The following TENM2 variants were observed in gnomAD, a reference collection of about 807,000 sequenced individuals.
The protein encoded by TENM2 is teneurin-2.
TENM2 carries 52 observed loss-of-function variants against 245.2 expected under a neutral mutation model. The ratio of observed to expected loss-of-function variants is 0.21; its 90% confidence interval spans 0.17 to 0.27. The LOEUF is 0.27. Among genes scored for constraint, TENM2 ranks in the 10% least tolerant of loss-of-function variants. TENM2 has a pLI of 1.00. For synonymous variants in TENM2, 1,363 were observed against 1,438.9 expected (o/e 0.95, Z 1.19); for missense variants, 3,046 against 3,666.8 (o/e 0.83, Z 4.37).
At chr5:167,969,343 C>G (rs890739978) in intron 4 of TENM2, among the ~76,000 whole-genome samples, 1 of 152,154 alleles carries the variant, frequency 6.6e-6, no homozygotes, top group Non-Finnish European at 1.5e-5. Context: ...CCTACACAAG[C>G]ACTCTCTTTG....
the TENM2 span, among the ~76,000 whole-genome samples, chr5:167,091,629 A>G: frequency 6.6e-6 from 1 of 152,210 alleles, no homozygotes; most frequent in Non-Finnish European, 1.5e-5. Context: ...ATTTTTCTCT[A>G]ATAATCCTCT....
chr5:167,560,691 A>G (rs904640366), intron 2 of TENM2, among the ~76,000 whole-genome samples: 2 of 152,252 alleles, frequency 1.3e-5, no homozygotes, highest in African/African-American at 4.8e-5. Flanking sequence ...AGCAATTGGC[A>G]TGGTGCTAAT....
At chr5:168,098,608 C>A (rs931529293) in intron 9 of TENM2, among the ~76,000 whole-genome samples, 10 of 152,054 alleles carry the variant, frequency 6.6e-5, no homozygotes, top group African/African-American at 2.4e-4. Flanking sequence ...AGCTGGAGCC[C>A]TGAGATTCTT....
At chr5:168,243,069 C>T (rs1349318140) in intron 25 of TENM2, among the ~76,000 whole-genome samples, 2 of 152,206 alleles carry the variant, frequency 1.3e-5, no homozygotes, top group South Asian at 2.1e-4. Flanking sequence ...AGACATCTCT[C>T]GAGTCTCTTC....
exon 29 of TENM2, chr5:168,262,414 A>C (rs2152725373): frequency 6.3e-7 from 1 of 1,584,814 alleles, no homozygotes; most frequent in East Asian, 2.3e-5. Flanking sequence ...GCAAGGTGCT[A>C]GAGAGCGGGG....
chr5:167,132,603 C>T, the TENM2 span, among the ~76,000 whole-genome samples: 4 of 152,100 alleles, frequency 2.6e-5, no homozygotes, highest in South Asian at 6.2e-4. Flanking sequence ...AGAAGTCCTC[C>T]CCAATCCCCT....
chr5:167,033,232 C>A, the TENM2 span, among the ~76,000 whole-genome samples: 1 of 152,148 alleles, frequency 6.6e-6, no homozygotes, highest in African/African-American at 2.4e-5. Flanking sequence ...TAATTCACAT[C>A]CCTTTATTCG....
chr5:168,203,892 C>G lies in TENM2; in HGVS notation c.3574+60C>G, dbSNP rs1762136161. 4.7e-6 allele frequency: 7 copies of G among 1,498,444 alleles called. No individual in the cohort carries two copies. In the Admixed American group the frequency reaches 5.3e-5, roughly 11 times the overall value. The allele number at this position is 1,498,444 out of a possible 1,614,324, so 92.8% of individuals were successfully genotyped here. On this transcript the variant is annotated intron_variant, in intron 18 of 28. Transcript: ENST00000518659. Reference sequence around the variant, plus strand: ...TTGCCACTTCTCTGGAACCTTGTCTCTAGCCTCAGCATTTAAGTGATCACA... The same window carrying G: ...TTGCCACTTCTCTGGAACCTTGTCTGTAGCCTCAGCATTTAAGTGATCACA...
rs139320058 is a variant in TENM2, at chr5:168,011,923, T to C, written c.1186+18741T>C. 3.1e-3 allele frequency among the ~76,000 whole-genome samples: 470 copies of C among 152,354 alleles called. 1 individual carries two copies. The highest frequency in any genetic ancestry group is 0.011 in the African/African-American group (440 of 41,582). On this transcript the variant is annotated intron_variant, in intron 5 of 28. Coordinates refer to ENST00000518659, the Ensembl canonical transcript of TENM2. ...AAATGTCGCAGTGACTCAGTTTTCC[T>C]AATTATAATTAGAGAAAGAGGTTCA...
At chr5:167,942,306 A>G (rs1779249295) in intron 3 of TENM2, among the ~76,000 whole-genome samples, 1 of 152,204 alleles carries the variant, frequency 6.6e-6, no homozygotes, top group Non-Finnish European at 1.5e-5. Flanking sequence ...TTTTCTGAGC[A>G]CTTTAAACGT....
intron 2 of TENM2, among the ~76,000 whole-genome samples, chr5:167,477,234 G>T (rs1175912371): frequency 2.3e-5 from 3 of 128,442 alleles, no homozygotes; most frequent in South Asian, 2.6e-4. Context: ...AGTGAAACTA[G>T]AATTTTTTTT....
intron 3 of TENM2, among the ~76,000 whole-genome samples, chr5:167,930,453 TTTTATTTATTTATTTATTTA>T (rs142148292): frequency 1.4e-5 from 2 of 148,112 alleles, no homozygotes; most frequent in Non-Finnish European, 3.0e-5. Context: ...TTTCTTAGAA[TTTTATTTATTTATTTATTTA>T]TTTATTTATT....
chr5:168,198,932 G>A (rs747274140), exon 16 of TENM2: 12 of 1,613,950 alleles, frequency 7.4e-6, no homozygotes, highest in Non-Finnish European at 9.3e-6. Context: ...GGAGCGCACT[G>A]TGTGGCTGCC....
the TENM2 span, among the ~76,000 whole-genome samples, chr5:167,081,522 C>A: frequency 4.6e-5 from 7 of 151,848 alleles, no homozygotes; most frequent in Non-Finnish European, 8.8e-5. Flanking sequence ...ATATGAAATT[C>A]AGAGGAAAGA....
chr5:167,178,381 T>G, the TENM2 span, among the ~76,000 whole-genome samples: 2 of 152,230 alleles, frequency 1.3e-5, no homozygotes, highest in Non-Finnish European at 2.9e-5. Context: ...TTTCTCTGGC[T>G]TTATTAAAGC....
intron 2 of TENM2, among the ~76,000 whole-genome samples, chr5:167,865,778 A>C (rs1345323201): frequency 6.6e-6 from 1 of 152,188 alleles, no homozygotes; most frequent in Non-Finnish European, 1.5e-5. Context: ...TTAAGGAAAA[A>C]AACATACATT....
chr5:167,799,368 T>G (rs181267194), intron 2 of TENM2, among the ~76,000 whole-genome samples: 1 of 152,346 alleles, frequency 6.6e-6, no homozygotes, highest in African/African-American at 2.4e-5. Flanking sequence ...TCTGGTTGAG[T>G]GTTTTTGTAA....
At chr5:167,144,704 A>C in the TENM2 span, among the ~76,000 whole-genome samples, 1 of 152,152 alleles carries the variant, frequency 6.6e-6, no homozygotes, top group Admixed American at 6.5e-5. Flanking sequence ...TAAGCTGTTA[A>C]TTAAATAAAG....
intron 3 of TENM2, among the ~76,000 whole-genome samples, chr5:167,924,680 G>A (rs1777616743): frequency 6.6e-6 from 1 of 152,204 alleles, no homozygotes; most frequent in African/African-American, 2.4e-5. Context: ...AGAAGCGCCT[G>A]GAGAGCTTGA....
Sources: gnomAD v4.1 joint callset for allele counts (sites outside exome capture counted in the v4.1 genomes callset) on GRCh38, gnomAD v4.1.1 for gene constraint, MANE v1.5 for transcripts, NCBI Gene and HGNC (gene_info 2026-07-23, HGNC 2026-07-21) for gene names.